GABRD: variants seen among roughly 807,000 people sequenced by gnomAD.
GABRD encodes the protein gamma-aminobutyric acid receptor subunit delta.
Under a neutral mutation model 47.3 loss-of-function variants are expected in GABRD, and 25 were observed. That is an observed-to-expected ratio of 0.53 (90% CI 0.39 to 0.74). The LOEUF (loss-of-function observed/expected upper bound fraction) is 0.74. Among genes scored for constraint, GABRD ranks in the 30% least tolerant of loss-of-function variants. The pLI is 0.00. For synonymous variants in GABRD, 314 were observed against 278.8 expected (o/e 1.13, Z -1.26); for missense variants, 497 against 643.4 (o/e 0.77, Z 2.46).
In GABRD at chr1:2,029,147, T is replaced by C. The variant is rs1248355743; in HGVS notation, c.728T>C (p.Leu243Pro). ...QFPRLSLHFHLRRNRGVYIIQ... is the reference protein window; with the variant it reads ...QFPRLSLHFHPRRNRGVYIIQ... ...CCACGGCTCAGCCTGCACTTCCACC[T>C]GCGGAGGAACCGCGGCGTGTACATC... Residue 243 changes from leucine to proline, a missense_variant, in exon 7 of 9, where the codon CTG (leucine) becomes CCG (proline). This residue lies in a region of GABRD where 285 missense variants were observed against 436.6 expected (regional missense o/e 0.65). Transcript: ENST00000378585. 6.5e-7 allele frequency: 1 copy of C among 1,546,426 alleles called. No individual in the cohort carries two copies. Among genetic ancestry groups the C allele is most frequent in the Non-Finnish European group, 8.7e-7 (1 of 1,147,466 alleles).
intron 5 of GABRD, chr1:2,027,911 C>T (rs1463059793): frequency 1.6e-6 from 1 of 614,866 alleles, no homozygotes; most frequent in South Asian, 2.0e-5. Context: ...TATTGTTGAG[C>T]CAGTGCAGCA....
Position 2,028,071 on chromosome 1 carries a change from G to C in GABRD, c.554-84G>C. 2 of 1,480,964 alleles carry C rather than the reference G, an allele frequency of 1.4e-6. No individual in the cohort carries two copies. Among genetic ancestry groups the C allele is most frequent in the Non-Finnish European group, 1.8e-6 (2 of 1,091,850 alleles). The allele number at this position is 1,480,964 out of a possible 1,614,324, so 91.7% of individuals were successfully genotyped here. On this transcript the variant is annotated intron_variant, in intron 5 of 8. Coordinates refer to ENST00000378585, the MANE Select transcript of GABRD (RefSeq NM_000815.5). This position sits in a 1 kb window ranked among gnomAD's most constrained non-coding sequence, Gnocchi z 6.4. Reference sequence around the variant, plus strand: ...TCACGATGGCGTCGGCCCCCTGCAGGCTTCCTGTGTGGACGGAGCGCTCCT... The same window carrying C: ...TCACGATGGCGTCGGCCCCCTGCAGCCTTCCTGTGTGGACGGAGCGCTCCT...
In GABRD at chr1:2,027,682, T is replaced by C. The variant is rs3795279; in HGVS notation, c.553+23T>C. On this transcript the variant is annotated intron_variant, in intron 5 of 8. Coordinates refer to ENST00000378585, the MANE Select transcript of GABRD (RefSeq NM_000815.5). Reference sequence around the variant, plus strand: ...GCTGTGAGTGGGTGTGCAAGGCGGGTAGGGGCTTCTCCAGCAGTGGATGGG... The same window carrying C: ...GCTGTGAGTGGGTGTGCAAGGCGGGCAGGGGCTTCTCCAGCAGTGGATGGG... 21,177 of 1,604,400 alleles carry C rather than the reference T, an allele frequency of 0.013. 1,135 individuals are homozygous for C. The African/African-American group carries it at 0.15, about 12-fold the overall frequency.
intron 1 of GABRD, chr1:2,024,535 G>A (rs1403465431): frequency 4.4e-5 from 7 of 158,918 alleles, no homozygotes; most frequent in East Asian, 1.8e-4. Context: ...CTCAGAAGCC[G>A]ACAGGGAGAC....
chr1:2,028,963 G>A lies in GABRD; in HGVS notation c.692-148G>A, dbSNP rs980067300. ...GGCCGGAGGCCCCCTGACATTTCAGGCCATGTGGTTGGTGGGGAGGGCAGG... is the reference window on the plus strand; with the variant it reads ...GGCCGGAGGCCCCCTGACATTTCAGACCATGTGGTTGGTGGGGAGGGCAGG... On this transcript the variant is annotated intron_variant, in intron 6 of 8. Transcript: ENST00000378585. The surrounding 1 kb of genome is among the most constrained non-coding windows in gnomAD (Gnocchi z 6.4). 4.1e-6 allele frequency: 4 copies of A among 986,064 alleles called. No homozygotes were observed. Among genetic ancestry groups the A allele is most frequent in the African/African-American group, 3.3e-5 (2 of 61,204 alleles). The allele number at this position is 986,064 out of a possible 1,614,324, so 61.1% of individuals were successfully genotyped here.
rs943620489 is a variant in GABRD at position 2,030,498 on chromosome 1, G to A, written c.*216G>A. On this transcript the variant is annotated 3_prime_UTR_variant, in exon 9 of 9. Coordinates refer to ENST00000378585, the MANE Select transcript of GABRD (RefSeq NM_000815.5). ...CCTGGGGCTCTCCGGCAGGCAGCCCGAGACCTGCACAGATGAAGGAGCAGA... is the reference window on the plus strand; with the variant it reads ...CCTGGGGCTCTCCGGCAGGCAGCCCAAGACCTGCACAGATGAAGGAGCAGA... The A allele has an allele frequency of 8.9e-6, 4 of 449,054 alleles. No individual in the cohort carries two copies. The highest frequency in any genetic ancestry group is 3.8e-5 in the Admixed American group (1 of 26,064). 27.8% of individuals were successfully genotyped at this position (449,054 alleles called of 1,614,324 possible).
chr1:2,019,699 A>C (rs1658722882), intron 1 of GABRD, among the ~76,000 whole-genome samples: 1 of 145,988 alleles, frequency 6.8e-6, no homozygotes, highest in South Asian at 2.2e-4. Flanking sequence ...GGACGCGGCG[A>C]CCCCCGCGCT....
At chr1:2,027,707 G>A in intron 5 of GABRD, 48 bp downstream of exon 5, 1 of 1,525,710 alleles carries the variant, frequency 6.6e-7, no homozygotes, top group South Asian at 1.1e-5. Flanking sequence ...CAGTGGATGG[G>A]GGCTCAGACT....
chr1:2,028,324 GC>G lies in GABRD; in HGVS notation c.691+35del. On this transcript the variant is annotated intron_variant, in intron 6 of 8. Coordinates refer to ENST00000378585, the MANE Select transcript of GABRD (RefSeq NM_000815.5). The surrounding 1 kb of genome is among the most constrained non-coding windows in gnomAD (Gnocchi z 6.4). The stretch of plus-strand genomic sequence containing the variant: ...TATGCCCGCCGCCCCTTCCGCATGT[GC>G]CCGCCGCCCCTTCCGCGCGCGCCCA... 1 of 1,587,160 alleles carries G rather than the reference GC, an allele frequency of 6.3e-7. No individual in the cohort carries two copies. Among genetic ancestry groups the G allele is most frequent in the Non-Finnish European group, 8.6e-7 (1 of 1,164,436 alleles).
chr1:2,022,690 T>TA (rs1658812862), intron 1 of GABRD, among the ~76,000 whole-genome samples: 1 of 152,238 alleles, frequency 6.6e-6, no homozygotes, highest in Admixed American at 6.5e-5. Flanking sequence ...GGCCGGGACT[T>TA]AATTTGATTC....
rs1217829506 is a variant in GABRD, at chr1:2,029,205, C to A, written c.786C>A (p.Val262=). 6.4e-7 allele frequency: 1 copy of A among 1,570,624 alleles called. No individual in the cohort carries two copies. The highest frequency in any genetic ancestry group is 8.6e-7 in the Non-Finnish European group (1 of 1,159,326). Residue 262 remains valine (V), a synonymous_variant, in exon 7 of 9, where the codon GTC becomes GTA. Transcript: ENST00000378585. ...IQSYMPSVLL[V]AMSWVSFWIS... is the part of the protein sequence containing the mutation. ...CCTACATGCCCTCCGTCCTGCTGGT[C>A]GCCATGTCCTGGGTCTCCTTCTGGA...
At chr1:2,027,427 C>G in intron 4 of GABRD, 150 bp from the exon 5 acceptor site, 1 of 706,526 alleles carries the variant, frequency 1.4e-6, no homozygotes, top group Non-Finnish European at 2.6e-6. Context: ...GAGCAGTTTC[C>G]AGGTTTACCT....
Position 2,028,924 on chromosome 1 carries a change from G to A in GABRD, c.692-187G>A. The A allele has an allele frequency of 1.5e-6, 1 of 675,244 alleles. No homozygotes were observed. Among genetic ancestry groups the A allele is most frequent in the Non-Finnish European group, 2.5e-6 (1 of 404,930 alleles). 41.8% of individuals were successfully genotyped at this position (675,244 alleles called of 1,614,324 possible). A position where few individuals can be genotyped will look rare whatever the true frequency, so the allele number is the denominator to read the frequency against. On this transcript the variant is annotated intron_variant, in intron 6 of 8. Coordinates refer to ENST00000378585, the MANE Select transcript of GABRD (RefSeq NM_000815.5). The surrounding 1 kb of genome is among the most constrained non-coding windows in gnomAD (Gnocchi z 6.4). ...ACACTGCTCAGGACCAGCCTGTCCTGTGGCCAGACCTAGGGCCGGAGGCCC... is the reference window on the plus strand; with the variant it reads ...ACACTGCTCAGGACCAGCCTGTCCTATGGCCAGACCTAGGGCCGGAGGCCC...
At position 2,025,377 on chromosome 1, in the gene GABRD, C is replaced by T. The variant is rs752592606; in HGVS notation, c.225C>T (p.Ile75=). 16 of 1,612,942 alleles carry T rather than the reference C, an allele frequency of 9.9e-6. No individual in the cohort carries two copies. The highest frequency in any genetic ancestry group is 4.0e-5 in the African/African-American group (3 of 74,948). ...NVALALEVAS[I]DHISEANMEY... ...CCCTTGCCCTGGAGGTGGCCAGCATCGACCACATCTCAGAGGCCAACATGG... is the reference window on the plus strand; with the variant it reads ...CCCTTGCCCTGGAGGTGGCCAGCATTGACCACATCTCAGAGGCCAACATGG... The change falls in exon 3 of 9, where the codon ATC becomes ATT. Residue 75 remains isoleucine (I), a synonymous_variant. Coordinates refer to ENST00000378585, the MANE Select transcript of GABRD (RefSeq NM_000815.5).
Position 2,028,079 on chromosome 1 carries a change from T to C in GABRD, c.554-76T>C, listed in dbSNP as rs758601115. 6.6e-7 allele frequency: 1 copy of C among 1,519,652 alleles called. No individual in the cohort carries two copies. The highest frequency in any genetic ancestry group is 8.9e-7 in the Non-Finnish European group (1 of 1,118,324). 94.1% of individuals were successfully genotyped at this position (1,519,652 alleles called of 1,614,324 possible). On this transcript the variant is annotated intron_variant, in intron 5 of 8. Coordinates refer to ENST00000378585, the MANE Select transcript of GABRD (RefSeq NM_000815.5). This position sits in a 1 kb window ranked among gnomAD's most constrained non-coding sequence, Gnocchi z 6.4. ...GCGTCGGCCCCCTGCAGGCTTCCTGTGTGGACGGAGCGCTCCTGCCAGGGC... is the reference window on the plus strand; with the variant it reads ...GCGTCGGCCCCCTGCAGGCTTCCTGCGTGGACGGAGCGCTCCTGCCAGGGC...
rs778440703 is a variant in GABRD at position 2,030,577 on chromosome 1, C to T, written c.*295C>T. ...GGGGTCTGGGCCCTTCAGGGAGCCG[C>T]GGATTTTTATGTTCAGAAAGTGATC... On this transcript the variant is annotated 3_prime_UTR_variant, in exon 9 of 9. Coordinates refer to ENST00000378585, the MANE Select transcript of GABRD (RefSeq NM_000815.5). 1.4e-4 allele frequency: 45 copies of T among 327,662 alleles called. No homozygotes were observed. Among genetic ancestry groups the T allele is most frequent in the Non-Finnish European group, 2.3e-4 (41 of 180,756 alleles). The allele number at this position is 327,662 out of a possible 1,614,324, so 20.3% of individuals were successfully genotyped here.
chr1:2,029,558 C>T lies in GABRD; in HGVS notation c.855C>T (p.Thr285=). The change falls in exon 8 of 9, where the codon ACC becomes ACT. Residue 285 remains threonine (T), a synonymous_variant. Transcript: ENST00000378585. ...AVPARVSLGI[T]TVLTMTTLMV... ...ACCACCTGTGCCCGGCAGGCATCAC[C>T]ACGGTGCTGACGATGACCACGCTCA... 1 of 1,612,764 alleles carries T rather than the reference C, an allele frequency of 6.2e-7. No individual in the cohort carries two copies. Among genetic ancestry groups the T allele is most frequent in the Non-Finnish European group, 8.5e-7 (1 of 1,179,972 alleles).
rs1198938241 is a variant in GABRD at position 2,029,275 on chromosome 1, C to A, written c.847+9C>A. ...CGCCAGGGTGTCTCTAGGTACGGGG[C>A]CTCGCCGCTGCTCCGAGGGAGCTGG... On this transcript the variant is annotated intron_variant, in intron 7 of 8. Transcript: ENST00000378585. 6.4e-7 allele frequency: 1 copy of A among 1,551,298 alleles called. No homozygotes were observed. The highest frequency in any genetic ancestry group is 2.4e-5 in the East Asian group (1 of 41,308).
intron 4 of GABRD, 70 bp downstream of exon 4, chr1:2,025,808 C>A: frequency 2.1e-6 from 3 of 1,427,724 alleles, no homozygotes; most frequent in Non-Finnish European, 2.9e-6. Flanking sequence ...CTGGACGCTC[C>A]AAGGCTTGGA....
Sources: gnomAD v4.1 joint callset for allele counts (sites outside exome capture counted in the v4.1 genomes callset) on GRCh38, gnomAD v4.1.1 for gene constraint, gnomAD v4.1.1 regional missense constraint, Gnocchi (gnomAD v3.1) non-coding constraint, MANE v1.5 for transcripts, NCBI Gene and HGNC (gene_info 2026-07-23, HGNC 2026-07-21) for gene names.